The following GNL3L variants were observed in gnomAD, a reference collection of about 807,000 sequenced individuals.
GNL3L encodes guanine nucleotide-binding protein-like 3-like protein.
Under a neutral mutation model 42.9 loss-of-function variants are expected in GNL3L, and 4 were observed. The ratio of observed to expected loss-of-function variants is 0.09; its 90% confidence interval spans 0.05 to 0.21. GNL3L has a LOEUF of 0.21. Ranked by LOEUF, GNL3L falls within the 10% of genes least tolerant of loss-of-function variation. The pLI is 1.00. For missense variants in GNL3L, 412 were observed against 481.7 expected, an observed-to-expected ratio of 0.86 and a Z score of 1.36; for synonymous variants, 159 against 176.3, an observed-to-expected ratio of 0.90 and a Z score of 0.78.
chrX:54,587,617 C>T, intron 16 of GNL3L, among the ~76,000 whole-genome samples: 1 of 110,277 alleles, frequency 9.1e-6, no homozygotes, highest in South Asian at 3.7e-4. Flanking sequence ...AATTCCTATA[C>T]ATGTTTTGTT....
Position 54,560,645 on chromosome X carries a change from G to A in GNL3L, c.*43G>A. 7.9e-6 allele frequency: 6 copies of A among 760,822 alleles called. No homozygotes were observed. Among genetic ancestry groups the A allele is most frequent in the Non-Finnish European group, 1.0e-5 (5 of 485,469 alleles). The allele number at this position is 760,822 out of a possible 1,213,427, so 62.7% of individuals were successfully genotyped here. On this transcript the variant is annotated 3_prime_UTR_variant, in exon 16 of 16. Coordinates refer to ENST00000360845, the MANE Select transcript of GNL3L (RefSeq NM_001184819.2). ...CCTTCCGCTCCAAGCACCAGTTCCG[G>A]TGGTACGGGGGAATACCAGTGAAAT...
At chrX:54,612,882 C>T (rs373403601) in intron 16 of GNL3L, among the ~76,000 whole-genome samples, 7 of 111,489 alleles carry the variant, frequency 6.3e-5, no homozygotes, top group East Asian at 5.6e-4. Context: ...GTCTTAACTT[C>T]GGATAACCTT....
At chrX:54,604,787 C>T (rs1461512488) in intron 16 of GNL3L, among the ~76,000 whole-genome samples, 2 of 112,257 alleles carry the variant, frequency 1.8e-5, no homozygotes, top group South Asian at 3.7e-4. Context: ...TCTGCGAAAA[C>T]GCCTTAATCT....
chrX:54,604,216 C>A (rs1926032797), intron 16 of GNL3L, among the ~76,000 whole-genome samples: 1 of 111,943 alleles, frequency 8.9e-6, no homozygotes, highest in African/African-American at 3.2e-5. Flanking sequence ...GCAACAAAAA[C>A]AGATACAAAT....
At chrX:54,622,804 A>G (rs1007650191), downstream of GNL3L, among the ~76,000 whole-genome samples, 1 of 111,120 alleles carries the variant, frequency 9.0e-6, no homozygotes, top group African/African-American at 3.3e-5. Context: ...GTCCAGTGTT[A>G]GGAAGATTTA....
the GNL3L span, among the ~76,000 whole-genome samples, chrX:54,640,708 G>A: frequency 8.9e-6 from 1 of 112,289 alleles, no homozygotes; most frequent in Non-Finnish European, 1.9e-5. Flanking sequence ...ACATGTTTTA[G>A]GCTCTTGTCG....
At chrX:54,641,995 C>T in the GNL3L span, among the ~76,000 whole-genome samples, 1 of 112,102 alleles carries the variant, frequency 8.9e-6, no homozygotes, top group Middle Eastern at 4.6e-3. Context: ...GTCCATGCCT[C>T]ATCCAGAAAT....
Position 54,560,583 on chromosome X carries a change from A to C in GNL3L, c.1730A>C (p.Asp577Ala), listed in dbSNP as rs751769610. The C allele has an allele frequency of 8.7e-7, 1 of 1,155,952 alleles. No individual in the cohort carries two copies. Among genetic ancestry groups the C allele is most frequent in the Non-Finnish European group, 1.2e-6 (1 of 844,502 alleles). ...GCTCTCGACCTCTCTGGCAATGCTG[A>C]TGATGGTGTTGGTGACTAATCGACT... is the stretch of plus-strand genomic sequence containing the variant. ...MSALDLSGNA[D>A]DGVGD The change falls in exon 16 of 16, where the codon GAT becomes GCT. Residue 577 changes from aspartate (D) to alanine (A), a missense_variant. Coordinates refer to ENST00000360845, the MANE Select transcript of GNL3L (RefSeq NM_001184819.2).
At chrX:54,630,662 T>TTCCTTCCTTCCTTCCTTCC in the GNL3L span, among the ~76,000 whole-genome samples, 499 of 53,363 alleles carry the variant, frequency 9.4e-3, 20 homozygotes, top group East Asian at 0.035. Context: ...TTTCTCCTTC[T>TTCCTTCCTTCCTTCCTTCC]TTCCTTCCTT....
chrX:54,542,972 A>G lies in GNL3L; in HGVS notation c.324A>G (p.Glu108=), dbSNP rs1170786671. The G allele has an allele frequency of 5.1e-6, 6 of 1,188,084 alleles. No individual in the cohort carries two copies. The highest frequency in any genetic ancestry group is 5.7e-6 in the Non-Finnish European group (5 of 874,409). Residue 108 remains glutamate, a synonymous_variant, in exon 6 of 16, where the codon GAA becomes GAG. Transcript: ENST00000360845. ...TCCTTTAGGAGGAAGTTTTGCAGGAATTAAATATGTTTCCTCAGCTGGATG... is the reference window on the plus strand; with the variant it reads ...TCCTTTAGGAGGAAGTTTTGCAGGAGTTAAATATGTTTCCTCAGCTGGATG... ...EFEHKEEVLQ[E]LNMFPQLDDE...
the GNL3L span, among the ~76,000 whole-genome samples, chrX:54,632,113 C>T: frequency 8.9e-6 from 1 of 112,006 alleles, no homozygotes; most frequent in Non-Finnish European, 1.9e-5. Flanking sequence ...TCCCTTCTAG[C>T]TTGTAGGGTT....
chrX:54,554,721 C>G, intron 14 of GNL3L, 29 bp downstream of exon 14: 1 of 1,182,921 alleles, frequency 8.5e-7, no homozygotes. Context: ...CATGGCAACC[C>G]TCTTCTCTCC....
rs76832262 is a variant in GNL3L at position 54,580,366 on chromosome X, A to T, written c.*45+19719A>T. 5.4e-3 allele frequency among the ~76,000 whole-genome samples: 597 copies of T among 109,923 alleles called. 3 individuals carry two copies. The highest frequency in any genetic ancestry group is 9.9e-3 in the Non-Finnish European group (523 of 52,742). ...TGGCTGCATAGTATTCCCGTGGTGT[A>T]TATGTGCCAAATTTTCTTAATCCAG... On this transcript the variant is annotated intron_variant, in intron 16 of 16. Transcript: ENST00000674498.
intron 16 of GNL3L, among the ~76,000 whole-genome samples, chrX:54,601,059 C>T (rs148635092): frequency 1.2e-4 from 13 of 111,707 alleles, no homozygotes; most frequent in Non-Finnish European, 1.9e-4. Flanking sequence ...CATGGATAAA[C>T]CTTGATACAT....
chrX:54,577,195 C>G lies in GNL3L; in HGVS notation c.*45+16548C>G, dbSNP rs185967107. On this transcript the variant is annotated intron_variant, in intron 16 of 16. Transcript: ENST00000674498. ...GACTGGCTTATTTCACTTAGCATAACGTTTTCAAGGTTCATCCATGTTGTA... is the reference window on the plus strand; with the variant it reads ...GACTGGCTTATTTCACTTAGCATAAGGTTTTCAAGGTTCATCCATGTTGTA... Among the ~76,000 whole-genome samples the G allele has an allele frequency of 3.2e-4, 36 of 112,209 alleles. No homozygotes were observed. In the East Asian group the frequency reaches 8.7e-3, roughly 27 times the overall value.
At position 54,619,302 on chromosome X, in the gene GNL3L, AAAT is replaced by A. The variant is rs759548782; in HGVS notation, c.*46-1537_*46-1535del. Among the ~76,000 whole-genome samples, 24 of 111,550 alleles carry A rather than the reference AAAT, an allele frequency of 2.2e-4. No individual in the cohort carries two copies. The East Asian group carries it at 5.6e-3, about 26-fold the overall frequency. ...TAAAAGATTACTAAGCTGCTTTTAA[AAAT>A]AATAAAGTATCTGTTTAACACGACA... On this transcript the variant is annotated intron_variant, in intron 16 of 16. Coordinates refer to the GNL3L transcript ENST00000674498.
chrX:54,582,676 G>A lies in GNL3L; in HGVS notation c.*45+22029G>A, dbSNP rs1180590228. 3.6e-5 allele frequency among the ~76,000 whole-genome samples: 4 copies of A among 112,319 alleles called. No homozygotes were observed. In the Admixed American group the frequency reaches 3.8e-4, roughly 11 times the overall value. ...TGGCTCACTGCAACCTCTGCCTCCT[G>A]GGTTGAAGCGATTCTCCTGCCTCAG... is the stretch of plus-strand genomic sequence containing the variant. On this transcript the variant is annotated intron_variant, in intron 16 of 16. Transcript: ENST00000674498.
At chrX:54,586,882 G>A (rs1337200851) in intron 16 of GNL3L, among the ~76,000 whole-genome samples, 2 of 110,905 alleles carry the variant, frequency 1.8e-5, no homozygotes, top group Non-Finnish European at 3.8e-5. Flanking sequence ...GTCTGAGATC[G>A]GGCCCACTCA....
chrX:54,584,066 T>G (rs1406391697), intron 16 of GNL3L, among the ~76,000 whole-genome samples: 1 of 108,549 alleles, frequency 9.2e-6, no homozygotes, highest in African/African-American at 3.5e-5. Context: ...TATTCTCCAG[T>G]ATTTTCTTCT....
Sources: allele counts gnomAD v4.1 joint callset (sites outside exome capture counted in the v4.1 genomes callset), GRCh38; gene constraint gnomAD v4.1.1; transcripts MANE v1.5; gene names NCBI Gene and HGNC (gene_info 2026-07-23, HGNC 2026-07-21).